The following CPQ variants were observed in gnomAD, a reference collection of about 807,000 sequenced individuals.
CPQ encodes Ser-Met dipeptidase.
Under a neutral mutation model 45.7 loss-of-function variants are expected in CPQ, and 37 were observed. The ratio of observed to expected loss-of-function variants is 0.81; its 90% CI spans 0.62 to 1.07. The LOEUF (loss-of-function observed/expected upper bound fraction) is 1.07, where lower values mean the gene tolerates loss of function less well. Ranked by LOEUF, CPQ falls within the 50% of genes least tolerant of loss-of-function variation. The pLI is 0.00. For missense variants in CPQ, 537 were observed against 572.9 expected (o/e 0.94, Z 0.64); for synonymous variants, 186 against 205.8 (o/e 0.90, Z 0.82).
intron 1 of CPQ, among the ~76,000 whole-genome samples, chr8:96,689,140 A>T (rs1301403726): frequency 6.6e-6 from 1 of 152,228 alleles, no homozygotes; most frequent in Non-Finnish European, 1.5e-5. Flanking sequence ...AAACCAGCCA[A>T]CGTTAAGAGA....
intron 1 of CPQ, among the ~76,000 whole-genome samples, chr8:96,724,428 G>C (rs906742647): frequency 6.6e-6 from 1 of 151,494 alleles, no homozygotes; most frequent in Non-Finnish European, 1.5e-5. Context: ...ATTTGCAGTA[G>C]TATTTCTGTG....
chr8:96,795,716 AT>A (rs139837894), intron 2 of CPQ, among the ~76,000 whole-genome samples: 1,665 of 152,044 alleles, frequency 0.011, 39 homozygotes, highest in African/African-American at 0.036. Flanking sequence ...TTATTTTCTT[AT>A]TTTTTTCTCT....
intron 1 of CPQ, among the ~76,000 whole-genome samples, chr8:96,646,390 G>A (rs1355838140): frequency 6.6e-6 from 1 of 152,106 alleles, no homozygotes; most frequent in African/African-American, 2.4e-5. Context: ...TAAAGATAAG[G>A]GTGACTCTGA....
intron 7 of CPQ, among the ~76,000 whole-genome samples, chr8:97,123,235 A>T (rs868427542): frequency 7.0e-6 from 1 of 141,970 alleles, no homozygotes; most frequent in Admixed American, 7.2e-5. Context: ...ATAAAATAAA[A>T]TAAATAAAAT....
intron 2 of CPQ, among the ~76,000 whole-genome samples, chr8:96,798,849 A>G (rs1464450331): frequency 3.3e-5 from 5 of 152,070 alleles, no homozygotes; most frequent in Admixed American, 2.0e-4. Context: ...CTCCTCTGAA[A>G]AACTGACCTT....
intron 3 of CPQ, among the ~76,000 whole-genome samples, chr8:96,864,402 C>G (rs568375783): frequency 6.6e-6 from 1 of 152,022 alleles, no homozygotes; most frequent in Non-Finnish European, 1.5e-5. Flanking sequence ...TTCACCCCAA[C>G]AGGAGAGAAG....
At chr8:96,813,445 T>A (rs1811184698) in intron 2 of CPQ, among the ~76,000 whole-genome samples, 1 of 152,164 alleles carries the variant, frequency 6.6e-6, no homozygotes, top group Admixed American at 6.6e-5. Context: ...GGTTCAGGGA[T>A]AATGTGACAA....
chr8:96,782,446 T>C (rs1388351974), intron 1 of CPQ, among the ~76,000 whole-genome samples: 1 of 152,166 alleles, frequency 6.6e-6, no homozygotes, highest in African/African-American at 2.4e-5. Context: ...GGCAGTTAAT[T>C]CTGAGGTCCC....
intron 3 of CPQ, among the ~76,000 whole-genome samples, chr8:96,840,891 T>A (rs1450782815): frequency 6.6e-6 from 1 of 152,164 alleles, no homozygotes; most frequent in Non-Finnish European, 1.5e-5. Context: ...CAATAAGGAT[T>A]TGTGGTTTTA....
intron 5 of CPQ, among the ~76,000 whole-genome samples, chr8:97,012,937 A>G (rs1394443048): frequency 1.3e-5 from 2 of 152,142 alleles, no homozygotes; most frequent in Admixed American, 1.3e-4. Context: ...TGTTTGAGAT[A>G]AATAGCCCTT....
intron 4 of CPQ, among the ~76,000 whole-genome samples, chr8:96,956,331 A>G (rs1243399986): frequency 6.6e-6 from 1 of 152,180 alleles, no homozygotes; most frequent in Non-Finnish European, 1.5e-5. Flanking sequence ...TTTGGAAAGC[A>G]TGATTATGCT....
intron 2 of CPQ, among the ~76,000 whole-genome samples, chr8:96,827,897 A>C (rs1360494726): frequency 2.6e-5 from 4 of 151,204 alleles, no homozygotes; most frequent in African/African-American, 9.7e-5. Context: ...CTGTTTTTTC[A>C]AAAAAAAGTT....
rs371366141 is a variant in CPQ at position 97,007,268 on chromosome 8, A to G, written c.962-22135A>G. Among the ~76,000 whole-genome samples the G allele has an allele frequency of 7.3e-4, 111 of 152,302 alleles. 1 individual carries two copies. The South Asian group carries it at 0.021, about 29-fold the overall frequency. On this transcript the variant is annotated intron_variant, in intron 5 of 7. Transcript: ENST00000220763. ...TCTGTGTGGCTTAATTTTTGGCATCAAATTGTTTTAACAGAAGCTGTGCTT... is the reference window on the plus strand; with the variant it reads ...TCTGTGTGGCTTAATTTTTGGCATCGAATTGTTTTAACAGAAGCTGTGCTT...
intron 5 of CPQ, among the ~76,000 whole-genome samples, chr8:97,025,546 C>T (rs770736324): frequency 3.3e-5 from 5 of 152,132 alleles, no homozygotes; most frequent in African/African-American, 7.2e-5. Flanking sequence ...GTCCTCCCTG[C>T]GTCTTCAAAT....
intron 1 of CPQ, among the ~76,000 whole-genome samples, chr8:96,656,528 C>T (rs1017193511): frequency 2.6e-5 from 4 of 152,134 alleles, no homozygotes; most frequent in African/African-American, 4.8e-5. Context: ...CATAGAACTG[C>T]ACAGTTGAGG....
At chr8:96,961,124 G>C (rs114821232) in intron 4 of CPQ, among the ~76,000 whole-genome samples, 507 of 152,238 alleles carry the variant, frequency 3.3e-3, no homozygotes, top group African/African-American at 0.012. Flanking sequence ...ATGTCCAATT[G>C]TTTTCCCTTA....
At chr8:96,743,308 C>A (rs1179204017) in intron 1 of CPQ, among the ~76,000 whole-genome samples, 2 of 151,604 alleles carry the variant, frequency 1.3e-5, no homozygotes, top group Non-Finnish European at 3.0e-5. Context: ...AGTTCTCGAG[C>A]CTTGGTTTTC....
rs539506798 is a variant in CPQ, at chr8:96,772,234, C to T, written c.-34-12630C>T. Among the ~76,000 whole-genome samples, 11 of 151,924 alleles carry T rather than the reference C, an allele frequency of 7.2e-5. No individual in the cohort carries two copies. The South Asian group carries it at 2.3e-3, about 32-fold the overall frequency. ...ACTGAAACCAAGGTGGAGAGGAAGA[C>T]CTAGGGGAAGGGATGGGTTTGGGGG... On this transcript the variant is annotated intron_variant, in intron 1 of 7. Transcript: ENST00000220763.
At chr8:96,675,253 G>A (rs1304663395) in intron 1 of CPQ, among the ~76,000 whole-genome samples, 2 of 151,916 alleles carry the variant, frequency 1.3e-5, no homozygotes, top group Non-Finnish European at 2.9e-5. Flanking sequence ...AGTGTCTTAT[G>A]TGTCATTTAA....
Sources: allele counts gnomAD v4.1 joint callset (sites outside exome capture counted in the v4.1 genomes callset), GRCh38; gene constraint gnomAD v4.1.1; transcripts MANE v1.5; gene names NCBI Gene and HGNC (gene_info 2026-07-23, HGNC 2026-07-21).